MIR2052HG: variants seen among roughly 807,000 people sequenced by gnomAD.
MIR2052HG encodes MIR2052 host gene.
At chr8:74,728,583 C>T (rs777507259) in intron 4 of MIR2052HG, among the ~76,000 whole-genome samples, 8 of 152,144 alleles carry the variant, frequency 5.3e-5, no homozygotes, top group South Asian at 2.1e-4. Context: ...TGTAATTCAG[C>T]GTGCTAAGGA....
intron 5 of MIR2052HG, among the ~76,000 whole-genome samples, chr8:74,753,404 A>G (rs1221245362): frequency 2.0e-5 from 3 of 152,236 alleles, no homozygotes; most frequent in Non-Finnish European, 2.9e-5. Context: ...ATTACAAAAT[A>G]AATTGCATCA....
At chr8:74,686,078 G>A (rs544266385) in intron 2 of MIR2052HG, among the ~76,000 whole-genome samples, 1 of 151,192 alleles carries the variant, frequency 6.6e-6, no homozygotes, top group South Asian at 2.1e-4. Context: ...AAGTTTATAA[G>A]GAAATTAAAT....
chr8:74,696,388 A>G (rs1809296535), intron 2 of MIR2052HG, among the ~76,000 whole-genome samples: 1 of 152,130 alleles, frequency 6.6e-6, no homozygotes, highest in Non-Finnish European at 1.5e-5. Flanking sequence ...GCACAAATAA[A>G]CAATCTAAGG....
At chr8:74,667,450 G>A (rs1298989967) in intron 2 of MIR2052HG, among the ~76,000 whole-genome samples, 1 of 152,166 alleles carries the variant, frequency 6.6e-6, no homozygotes, top group Non-Finnish European at 1.5e-5. Flanking sequence ...TATTTAAAGG[G>A]AATGTAAATG....
intron 2 of MIR2052HG, among the ~76,000 whole-genome samples, chr8:74,672,625 A>G (rs1018157204): frequency 3.9e-5 from 6 of 152,054 alleles, no homozygotes; most frequent in African/African-American, 1.4e-4. Flanking sequence ...ACAGGCAGCA[A>G]TGTATACCTA....
In MIR2052HG at chr8:74,602,825, C is replaced by CTTTCTTTCTTTCTTTCTTTCTTTCT. The variant is rs1808027801; in HGVS notation, n.128+2920_128+2944dup. Reference sequence around the variant, plus strand: ...CTGCCATGCCCGGCCGTGTTTCTTTCTTTCTTTCTTTCTTTCTTTCTTTCT... The same window carrying CTTTCTTTCTTTCTTTCTTTCTTTCT: ...CTGCCATGCCCGGCCGTGTTTCTTTCTTTCTTTCTTTCTTTCTTTCTTTCTTTTCTTTCTTTCTTTCTTTCTTTCT... On this transcript the variant is annotated intron_variant and non_coding_transcript_variant, in intron 1 of 6. Coordinates refer to ENST00000523442, the Ensembl canonical transcript of MIR2052HG. 2.4e-5 allele frequency among the ~76,000 whole-genome samples: 3 copies of CTTTCTTTCTTTCTTTCTTTCTTTCT among 126,074 alleles called. No individual in the cohort carries two copies. The East Asian group carries it at 7.3e-4, about 31-fold the overall frequency. 82.7% of individuals were successfully genotyped at this position (126,074 alleles called of 152,430 possible).
At chr8:74,673,610 A>G (rs1809016599) in intron 2 of MIR2052HG, among the ~76,000 whole-genome samples, 3 of 152,046 alleles carry the variant, frequency 2.0e-5, no homozygotes, top group Admixed American at 2.0e-4. Context: ...AATTTTATAT[A>G]TATGTGGCCA....
intron 2 of MIR2052HG, among the ~76,000 whole-genome samples, chr8:74,678,139 A>C (rs1393815296): frequency 1.3e-5 from 2 of 152,228 alleles, no homozygotes; most frequent in African/African-American, 4.8e-5. Context: ...ATCAGTAATT[A>C]ATTGAATACC....
chr8:74,752,452 G>C, exon 5 of MIR2052HG: 1 of 443,138 alleles, frequency 2.3e-6, no homozygotes. Flanking sequence ...CCCGCGTTCA[G>C]TCCAGCCACC....
intron 1 of MIR2052HG, among the ~76,000 whole-genome samples, chr8:74,602,538 G>T (rs549671378): frequency 1.1e-3 from 156 of 148,508 alleles, no homozygotes; most frequent in African/African-American, 3.7e-3. Flanking sequence ...TTTTGAGACA[G>T]TCTTGCTCCA....
chr8:74,737,229 T>C (rs1276549588), intron 4 of MIR2052HG, among the ~76,000 whole-genome samples: 1 of 152,312 alleles, frequency 6.6e-6, no homozygotes, highest in East Asian at 1.9e-4. Context: ...CACTTCAGCC[T>C]CTGGTTGGCT....
At chr8:74,702,462 T>C (rs929709339) in intron 3 of MIR2052HG, 6 of 452,210 alleles carry the variant, frequency 1.3e-5, no homozygotes, top group Non-Finnish European at 2.7e-5. Context: ...GCAAGGTAAG[T>C]CAGTTCTTCT....
At chr8:74,711,900 TG>T (rs1269346677) in intron 4 of MIR2052HG, among the ~76,000 whole-genome samples, 5 of 150,820 alleles carry the variant, frequency 3.3e-5, no homozygotes, top group African/African-American at 1.2e-4. Context: ...GGATGCTTCC[TG>T]GGATGGTGCT....
At chr8:74,684,136 C>T (rs191027179) in intron 2 of MIR2052HG, among the ~76,000 whole-genome samples, 112 of 152,166 alleles carry the variant, frequency 7.4e-4, no homozygotes, top group Middle Eastern at 3.4e-3. Flanking sequence ...TAGACCACAC[C>T]ATGAATACAT....
At chr8:74,687,294 C>CA (rs61473144) in intron 2 of MIR2052HG, among the ~76,000 whole-genome samples, 1 of 151,874 alleles carries the variant, frequency 6.6e-6, no homozygotes, top group Non-Finnish European at 1.5e-5. Flanking sequence ...GGAGGTTACT[C>CA]AAAAAAATTT....
At chr8:74,749,150 G>A (rs1415134270) in intron 4 of MIR2052HG, among the ~76,000 whole-genome samples, 1 of 152,090 alleles carries the variant, frequency 6.6e-6, no homozygotes, top group East Asian at 1.9e-4. Context: ...ATATTGAAAG[G>A]TGGTAACAGA....
intron 2 of MIR2052HG, among the ~76,000 whole-genome samples, chr8:74,622,057 T>G (rs890096222): frequency 5.9e-5 from 9 of 152,120 alleles, no homozygotes; most frequent in Admixed American, 5.9e-4. Context: ...CAAACGGGAT[T>G]ATATCAATCC....
chr8:74,679,692 T>TTTTTG lies in MIR2052HG; in HGVS notation n.217-22662_217-22658dup, dbSNP rs527703635. Among the ~76,000 whole-genome samples, 146 of 151,776 alleles carry TTTTTG rather than the reference T, an allele frequency of 9.6e-4. 1 individual carries two copies. The highest frequency in any genetic ancestry group is 6.8e-3 in the Middle Eastern group (2 of 294). ...CATCTGCCACCACACCCGGCTAAAT[T>TTTTTG]TTTTGTTTTGTTTTGTTTTGTTTTG... On this transcript the variant is annotated intron_variant and non_coding_transcript_variant, in intron 2 of 6. Transcript: ENST00000523442.
intron 2 of MIR2052HG, among the ~76,000 whole-genome samples, chr8:74,649,397 C>T (rs1192426857): frequency 6.6e-6 from 1 of 151,770 alleles, no homozygotes; most frequent in Non-Finnish European, 1.5e-5. Context: ...GTTGATCATG[C>T]AATTTAAAAA....
Sources: allele counts gnomAD v4.1 joint callset (sites outside exome capture counted in the v4.1 genomes callset), GRCh38; gene constraint gnomAD v4.1.1; transcripts MANE v1.5; gene names NCBI Gene and HGNC (gene_info 2026-07-23, HGNC 2026-07-21).